The following GGT7 variants were observed in gnomAD, a reference collection of about 807,000 sequenced individuals.
The protein encoded by GGT7 is glutathione hydrolase 7.
A neutral mutation model predicts 69.2 loss-of-function variants in GGT7; 30 were observed. The ratio of observed to expected loss-of-function variants is 0.43; its 90% CI spans 0.32 to 0.59. The LOEUF is 0.59. Among genes scored for constraint, GGT7 ranks in the 20% least tolerant of loss-of-function variants. The pLI is 0.05. For synonymous variants in GGT7, 388 were observed against 391.8 expected (o/e 0.99, Z 0.12); for missense variants, 733 against 901.1 (o/e 0.81, Z 2.39).
At chr20:34,855,561 G>T (rs532832164) in intron 8 of GGT7, among the ~76,000 whole-genome samples, 1 of 152,242 alleles carries the variant, frequency 6.6e-6, no homozygotes, top group African/African-American at 2.4e-5. Context: ...GGCTGGGAAG[G>T]GGAAATGGAA....
rs2079631804 is a variant in GGT7, at chr20:34,863,366, C to T, written c.352G>A (p.Ala118Thr). ...ACCAGCGCCACGGTGACACCGGTAG[C>T]GAAGGTGAGACAGGCCGTGACGATG... The part of the protein sequence containing the change: ...TVIVTACLTF[A>T]TGVTVALVMQ... The change falls in exon 2 of 15, where the codon GCT (alanine) becomes ACT (threonine). Residue 118 changes from alanine to threonine, a missense_variant. Physicochemically the swap from Ala to Thr is moderately conservative, Grantham distance 58. Coordinates refer to ENST00000336431, the MANE Select transcript of GGT7 (RefSeq NM_178026.3). The surrounding 1 kb of genome is among the most constrained non-coding windows in gnomAD (Gnocchi z 4.4). The T allele has an allele frequency of 6.2e-7, 1 of 1,613,930 alleles. No homozygotes were observed. The highest frequency in any genetic ancestry group is 1.7e-5 in the Admixed American group (1 of 60,000).
At position 34,861,488 on chromosome 20, in the gene GGT7, C is replaced by A; in HGVS notation, c.632G>T (p.Gly211Val). The A allele has an allele frequency of 6.4e-7, 1 of 1,553,274 alleles. No individual in the cohort carries two copies. The highest frequency in any genetic ancestry group is 2.4e-5 in the East Asian group (1 of 42,302). The change falls in exon 4 of 15, where the codon GGG becomes GTG. Residue 211 changes from glycine (G) to valine (V), a missense_variant. Gly to Val is a moderately radical substitution (Grantham distance 109). Transcript: ENST00000336431. ...TTGCAGGGTCTCTTCCCTGAGGGCC[C>A]CTGGTGCGGACTCCCGGAAATCAAT... ...HLIDFRESAP[G>V]ALREETLQRS...
chr20:34,863,840 A>C lies in GGT7; in HGVS notation c.170-292T>G. 4.9e-6 allele frequency: 3 copies of C among 608,800 alleles called. No homozygotes were observed. Among genetic ancestry groups the C allele is most frequent in the Non-Finnish European group, 6.3e-6 (2 of 319,664 alleles). 37.7% of individuals were successfully genotyped at this position (608,800 alleles called of 1,614,324 possible). ...GCACCCAGGGCCCAGGGCTGAGAAC[A>C]CTTCCTGGGGGGTGGGGTGGGGGTT... is the stretch of plus-strand genomic sequence containing the variant. On this transcript the variant is annotated intron_variant, in intron 1 of 14. Transcript: ENST00000336431. The surrounding 1 kb of genome is among the most constrained non-coding windows in gnomAD (Gnocchi z 4.4).
chr20:34,858,930 G>A (rs1033632591), intron 7 of GGT7, among the ~76,000 whole-genome samples: 51 of 152,194 alleles, frequency 3.4e-4, no homozygotes, highest in African/African-American at 1.2e-3. Context: ...CAGCACTTTG[G>A]GAGGCCAGGA....
intron 7 of GGT7, among the ~76,000 whole-genome samples, chr20:34,857,459 C>A (rs1167933183): frequency 6.6e-6 from 1 of 152,104 alleles, no homozygotes; most frequent in Non-Finnish European, 1.5e-5. Flanking sequence ...CATTATTGAC[C>A]AATGAACCAA....
Position 34,862,818 on chromosome 20 carries a change from C to T in GGT7, c.553G>A (p.Gly185Ser). Residue 185 changes from glycine to serine, a missense_variant, in exon 3 of 15, where the codon GGC becomes AGC. Coordinates refer to ENST00000336431, the MANE Select transcript of GGT7 (RefSeq NM_178026.3). ...GIVAPHSSGL[G>S]GGGVMLVHDI... ...CCGACCTCCACTGCTCCTTACCCGC[C>T]CAGGCCAGAACTGTGTGGAGCCACG... is the stretch of plus-strand genomic sequence containing the variant. 6.2e-7 allele frequency: 1 copy of T among 1,614,122 alleles called. No homozygotes were observed.
In GGT7 at chr20:34,863,814, G is replaced by GGCACC; in HGVS notation, c.170-271_170-267dup. 1 of 673,140 alleles carries GGCACC rather than the reference G, an allele frequency of 1.5e-6. No homozygotes were observed. The highest frequency in any genetic ancestry group is 2.8e-6 in the Non-Finnish European group (1 of 357,322). The allele number at this position is 673,140 out of a possible 1,614,324, so 41.7% of individuals were successfully genotyped here. ...CCCTGATACCTAGGCCAAATTTCCT[G>GGCACC]GCACCCAGGGCCCAGGGCTGAGAAC... On this transcript the variant is annotated intron_variant, in intron 1 of 14. Coordinates refer to ENST00000336431, the MANE Select transcript of GGT7 (RefSeq NM_178026.3). This position sits in a 1 kb window ranked among gnomAD's most constrained non-coding sequence, Gnocchi z 4.4.
intron 7 of GGT7, among the ~76,000 whole-genome samples, chr20:34,857,234 G>T (rs1001753308): frequency 1.3e-5 from 2 of 152,184 alleles, no homozygotes; most frequent in African/African-American, 4.8e-5. Context: ...TGCAGCTGCA[G>T]AGTGACCTGC....
chr20:34,848,730 C>T (rs936193151), intron 14 of GGT7, among the ~76,000 whole-genome samples: 1 of 152,166 alleles, frequency 6.6e-6, no homozygotes, highest in African/African-American at 2.4e-5. Flanking sequence ...GAAGTTCTGC[C>T]ACTTAGTGGT....
rs1172276321 is a variant in GGT7, at chr20:34,860,244, G to A, written c.743+10C>T. The stretch of plus-strand genomic sequence containing the variant: ...CGGGGGTCCCTGGTCCCCAGGGGGA[G>A]GGTTGTTACCTGCCATAGAGCTGGT... On this transcript the variant is annotated intron_variant, in intron 5 of 14. Transcript: ENST00000336431. The A allele has an allele frequency of 1.2e-6, 2 of 1,604,330 alleles. No homozygotes were observed. Among genetic ancestry groups the A allele is most frequent in the African/African-American group, 1.3e-5 (1 of 74,846 alleles).
Position 34,845,153 on chromosome 20 carries a change from A to ACCC in GGT7, c.*174_*175insGGG. 4 of 283,560 alleles carry ACCC rather than the reference A, an allele frequency of 1.4e-5. No homozygotes were observed. The highest frequency in any genetic ancestry group is 8.7e-5 in the East Asian group (1 of 11,480). The allele number at this position is 283,560 out of a possible 1,614,324, so 17.6% of individuals were successfully genotyped here. On this transcript the variant is annotated 3_prime_UTR_variant, in exon 15 of 15. Coordinates refer to ENST00000336431, the MANE Select transcript of GGT7 (RefSeq NM_178026.3). Reference sequence around the variant, plus strand: ...CACCACCACCACCACCACCACCACCACAGGCCTCCTGATGGAGAATTTTCC... The same window carrying ACCC: ...CACCACCACCACCACCACCACCACCACCCCAGGCCTCCTGATGGAGAATTTTCC...
Position 34,859,497 on chromosome 20 carries a change from G to A in GGT7, c.960C>T (p.Ser320=), listed in dbSNP as rs758663422. 4.0e-5 allele frequency: 65 copies of A among 1,607,040 alleles called. No individual in the cohort carries two copies. The highest frequency in any genetic ancestry group is 8.0e-5 in the African/African-American group (6 of 74,820). Reference sequence around the variant, plus strand: ...CACCTGCGTAGAAGGCAGCCGGGCCGGAGGTGCCAAGTACATCCAGCACCT... The same window carrying A: ...CACCTGCGTAGAAGGCAGCCGGGCCAGAGGTGCCAAGTACATCCAGCACCT... The part of the protein sequence containing the change: ...LAEVLDVLGT[S]GPAAFYAGGN... Residue 320 remains serine (S), a synonymous_variant, in exon 7 of 15, where the codon TCC becomes TCT. Coordinates refer to ENST00000336431, the MANE Select transcript of GGT7 (RefSeq NM_178026.3).
intron 6 of GGT7, 63 bp downstream of exon 6, chr20:34,859,906 C>A: frequency 1.7e-6 from 2 of 1,211,046 alleles, no homozygotes; most frequent in South Asian, 2.6e-5. Context: ...GGCTCCAAAT[C>A]TCAAAGATTC....
intron 12 of GGT7, 106 bp from the exon 13 acceptor site, chr20:34,851,474 A>G: frequency 8.7e-7 from 1 of 1,154,946 alleles, no homozygotes; most frequent in Non-Finnish European, 1.2e-6. Context: ...TACATCTTCC[A>G]CAGGCCCAGT....
In GGT7 at chr20:34,863,388, G is replaced by A. The variant is rs758677980; in HGVS notation, c.330C>T (p.Ile110=). The stretch of plus-strand genomic sequence containing the variant: ...TAGCGAAGGTGAGACAGGCCGTGAC[G>A]ATGACCGTGAGCCCATCCTGGCGGC... ...CSCRQDGLTV[I]VTACLTFATG... Residue 110 remains isoleucine (I), a synonymous_variant, in exon 2 of 15, where the codon ATC becomes ATT. Transcript: ENST00000336431. The surrounding 1 kb of genome is among the most constrained non-coding windows in gnomAD (Gnocchi z 4.4). The A allele has an allele frequency of 3.7e-6, 6 of 1,613,890 alleles. No individual in the cohort carries two copies. In the African/African-American group the frequency reaches 8.0e-5, roughly 22 times the overall value.
In GGT7 at chr20:34,859,454, T is replaced by A; in HGVS notation, c.1003A>T (p.Met335Leu). The A allele has an allele frequency of 6.3e-7, 1 of 1,585,572 alleles. No homozygotes were observed. ...FYAGGNLTLE[M>L]VAEAQHAGGV... is the part of the protein sequence containing the mutation. ...ACACGAGCACTTACCTCGGCCACCA[T>A]CTCCAGTGTGAGGTTGCCACCTGCG... The change falls in exon 7 of 15, where the codon ATG becomes TTG. Residue 335 changes from methionine to leucine, a missense_variant. Physicochemically the swap from Met to Leu is conservative, Grantham distance 15. Transcript: ENST00000336431.
At chr20:34,851,053 C>G in intron 13 of GGT7, 178 bp downstream of exon 13, 2 of 732,480 alleles carry the variant, frequency 2.7e-6, no homozygotes, top group Non-Finnish European at 4.7e-6. Context: ...TCCATTTTCA[C>G]TAAGAAACTC....
At position 34,872,764 on chromosome 20, in the gene GGT7, G is replaced by A. The variant is rs1442030131; in HGVS notation, c.52C>T (p.Pro18Ser). Reference protein sequence around the residue: ...SQESALGAYSPVDYMSITSFP... With the variant: ...SQESALGAYSSVDYMSITSFP... ...CTGGTGATGCTCATGTAGTCCACTG[G>A]CGAGTAGGCGCCCAGGGCGCTCTCC... Residue 18 changes from proline (P) to serine (S), a missense_variant, in exon 1 of 15, where the codon CCA becomes TCA. By Grantham distance (74) the Pro-to-Ser change is moderately conservative. Transcript: ENST00000336431. The A allele has an allele frequency of 6.9e-7, 1 of 1,449,516 alleles. No individual in the cohort carries two copies. The highest frequency in any genetic ancestry group is 1.4e-5 in the South Asian group (1 of 71,720). 89.8% of individuals were successfully genotyped at this position (1,449,516 alleles called of 1,614,324 possible). A position where few individuals can be genotyped will look rare whatever the true frequency, so the allele number is the denominator to read the frequency against.
chr20:34,853,744 T>C (rs1042718532), intron 10 of GGT7, among the ~76,000 whole-genome samples: 1 of 152,196 alleles, frequency 6.6e-6, no homozygotes, highest in African/African-American at 2.4e-5. Flanking sequence ...ACAAGGTTGA[T>C]ACCATTATTG....
Sources: allele counts gnomAD v4.1 joint callset (sites outside exome capture counted in the v4.1 genomes callset), GRCh38; gene constraint gnomAD v4.1.1; non-coding constraint Gnocchi (gnomAD v3.1); transcripts MANE v1.5; gene names NCBI Gene and HGNC (gene_info 2026-07-23, HGNC 2026-07-21).